ATM: variants seen among roughly 807,000 people sequenced by gnomAD.
ATM encodes the protein ATM serine/threonine kinase.
In ATM, 308 loss-of-function variants were observed where a neutral mutation model predicts 387.0. The observed-to-expected ratio is 0.80, with a 90% CI of 0.73 to 0.87. ATM has a LOEUF of 0.87. ATM is among the 40% of genes least tolerant of loss of function. The pLI, the probability that ATM is intolerant of heterozygous loss-of-function variation, is 0.00. For synonymous variants in ATM, 1,156 were observed against 1,187.3 expected, an observed-to-expected ratio of 0.97 and a Z score of 0.54; for missense variants, 3,312 against 3,560.9, an observed-to-expected ratio of 0.93 and a Z score of 1.78.
At chr11:108,300,914 G>A (rs189976820) in intron 34 of ATM, among the ~76,000 whole-genome samples, 52 of 122,858 alleles carry the variant, frequency 4.2e-4, no homozygotes, top group African/African-American at 1.4e-3. Flanking sequence ...ACAGGGTCTC[G>A]CTCTATCACC....
chr11:108,273,556 G>A (rs1190016929), intron 22 of ATM, among the ~76,000 whole-genome samples: 1 of 151,734 alleles, frequency 6.6e-6, no homozygotes, highest in African/African-American at 2.4e-5. Flanking sequence ...TGGCCAGGCT[G>A]GTCTTGAACT....
intron 53 of ATM, among the ~76,000 whole-genome samples, chr11:108,333,212 C>G (rs1001912149): frequency 6.6e-6 from 1 of 152,102 alleles, no homozygotes; most frequent in Non-Finnish European, 1.5e-5. Flanking sequence ...CTGAACATTT[C>G]TAGCCTCAAA....
At chr11:108,237,291 C>T (rs2079326346) in intron 5 of ATM, among the ~76,000 whole-genome samples, 2 of 152,150 alleles carry the variant, frequency 1.3e-5, no homozygotes, top group South Asian at 4.1e-4. Flanking sequence ...TCTAGGTTAC[C>T]TAACCAGATC....
Position 108,312,390 on chromosome 11 carries a change from A to C in ATM, c.5919-21A>C, listed in dbSNP as rs373693586. 12 of 1,510,530 alleles carry C rather than the reference A, an allele frequency of 7.9e-6. No homozygotes were observed. In the African/African-American group the frequency reaches 1.5e-4, roughly 19 times the overall value. 93.6% of individuals were successfully genotyped at this position (1,510,530 alleles called of 1,614,324 possible). ...CCAAATAGTATGTTCTCATTAAAAG[A>C]GGTGTTCTTGTGACAAACAGAAGTC... On this transcript the variant is annotated intron_variant, in intron 39 of 62. Coordinates refer to ENST00000675843, the MANE Select transcript of ATM (RefSeq NM_000051.4).
In ATM at chr11:108,250,723, A is replaced by G; in HGVS notation, c.1258A>G (p.Ile420Val). 6.2e-7 allele frequency: 1 copy of G among 1,608,192 alleles called. No homozygotes were observed. The highest frequency in any genetic ancestry group is 8.5e-7 in the Non-Finnish European group (1 of 1,179,558). The stretch of plus-strand genomic sequence containing the variant: ...TAGGCTACAGATTGCAACCCAATTA[A>G]TATCAAAGTATCCTGCAAGTTTACC... Reference protein sequence around the residue: ...VPWLQIATQLISKYPASLPNC... With the variant: ...VPWLQIATQLVSKYPASLPNC... The change falls in exon 10 of 63, where the codon ATA becomes GTA. Residue 420 changes from isoleucine (I) to valine (V), a missense_variant. Physicochemically the swap from Ile to Val is conservative, Grantham distance 29 (BLOSUM62 3). This residue lies in a region of ATM where 1,791 missense variants were observed against 1,804.5 expected (regional missense o/e 0.99). Coordinates refer to ENST00000675843, the MANE Select transcript of ATM (RefSeq NM_000051.4).
intron 59 of ATM, among the ~76,000 whole-genome samples, chr11:108,349,523 C>T (rs1048032587): frequency 6.6e-6 from 1 of 152,050 alleles, no homozygotes; most frequent in Non-Finnish European, 1.5e-5. Context: ...ATTAGCCGGG[C>T]GAGGTGGTGG....
At chr11:108,235,965 T>A in intron 5 of ATM, 131 bp downstream of exon 5, 1 of 1,011,162 alleles carries the variant, frequency 9.9e-7, no homozygotes, top group Non-Finnish European at 1.5e-6. Context: ...AGTAAAATTA[T>A]ATGGTTATCG....
intron 61 of ATM, among the ~76,000 whole-genome samples, chr11:108,357,988 A>C (rs1048922879): frequency 3.4e-5 from 5 of 148,132 alleles, no homozygotes; most frequent in African/African-American, 4.9e-5. Context: ...CAGACGATCA[A>C]ATTACTCTGA....
At chr11:108,243,834 A>T in intron 5 of ATM, 119 bp from the exon 6 acceptor site, 2 of 899,342 alleles carry the variant, frequency 2.2e-6, no homozygotes, top group Non-Finnish European at 3.3e-6. Context: ...AAAATAAATT[A>T]GTGCAGTTTT....
intron 16 of ATM, among the ~76,000 whole-genome samples, chr11:108,264,453 A>T (rs981767665): frequency 2.6e-5 from 4 of 152,228 alleles, no homozygotes; most frequent in African/African-American, 7.2e-5. Flanking sequence ...AAAAACTCTG[A>T]ATAAATTAGG....
chr11:108,249,200 T>A, intron 9 of ATM, 98 bp downstream of exon 9: 1 of 1,393,082 alleles, frequency 7.2e-7, no homozygotes, highest in Non-Finnish European at 1.0e-6. Context: ...CAACCAGAAC[T>A]AAGTCATTTG....
At chr11:108,316,459 T>C (rs572373781) in intron 42 of ATM, among the ~76,000 whole-genome samples, 2 of 152,202 alleles carry the variant, frequency 1.3e-5, no homozygotes, top group African/African-American at 4.8e-5. Flanking sequence ...AAATCTTATG[T>C]AAACTATTTC....
rs876658963 is a variant in ATM, at chr11:108,279,540, C to G, written c.3334C>G (p.Pro1112Ala). The G allele has an allele frequency of 1.9e-6, 3 of 1,613,674 alleles. No homozygotes were observed. Among genetic ancestry groups the G allele is most frequent in the Non-Finnish European group, 2.5e-6 (3 of 1,179,844 alleles). ...TTCTTCCAGGTTACTGAAAGCACTT[C>G]CTTTGAAGCTTCAGCAAACAGCTTT... Reference protein sequence around the residue: ...GDSSRLLKALPLKLQQTAFEN... With the variant: ...GDSSRLLKALALKLQQTAFEN... Residue 1112 changes from proline to alanine, a missense_variant, in exon 23 of 63, where the codon CCT becomes GCT. Around this residue, in one of 4 missense-constraint regions of ATM, gnomAD observed 1,791 missense variants for 1,804.5 expected, o/e 0.99. Transcript: ENST00000675843.
intron 7 of ATM, among the ~76,000 whole-genome samples, chr11:108,246,674 A>G (rs1253369698): frequency 1.3e-5 from 2 of 152,246 alleles, no homozygotes; most frequent in Non-Finnish European, 2.9e-5. Context: ...GAAAGAGGGA[A>G]CATATTAATT....
chr11:108,254,046 T>G lies in ATM; in HGVS notation c.2124+7T>G, dbSNP rs1402323846. The stretch of plus-strand genomic sequence containing the variant: ...GAATAATTACTCATCTGAGGTGAGA[T>G]TTTTTAAAAAAAGAACTAAGCTTAT... On this transcript the variant is annotated splice_region_variant and intron_variant, in intron 13 of 62. Coordinates refer to ENST00000675843, the MANE Select transcript of ATM (RefSeq NM_000051.4). 6.2e-7 allele frequency: 1 copy of G among 1,612,034 alleles called. No homozygotes were observed. Among genetic ancestry groups the G allele is most frequent in the Non-Finnish European group, 8.5e-7 (1 of 1,178,908 alleles).
At position 108,229,292 on chromosome 11, in the gene ATM, G is replaced by C. The variant is rs878853499; in HGVS notation, c.300G>C (p.Leu100Phe). ...AAAAGATGCAGGAAATCAGTAGTTT[G>C]GTCAAATACTTCATCAAATGTGCAA... is the stretch of plus-strand genomic sequence containing the variant. ...RQKKMQEISS[L>F]VKYFIKCANR... Residue 100 changes from leucine (L) to phenylalanine (F), a missense_variant, in exon 4 of 63, where the codon TTG becomes TTC. Leu to Phe is a conservative substitution (Grantham distance 22). This residue lies in a region of ATM where 1,791 missense variants were observed against 1,804.5 expected (regional missense o/e 0.99). Transcript: ENST00000675843. The C allele has an allele frequency of 6.2e-7, 1 of 1,613,194 alleles. No homozygotes were observed. Among genetic ancestry groups the C allele is most frequent in the South Asian group, 1.1e-5 (1 of 91,026 alleles).
At chr11:108,347,501 A>G in intron 59 of ATM, 136 bp downstream of exon 59, 1 of 720,982 alleles carries the variant, frequency 1.4e-6, no homozygotes, top group Non-Finnish European at 2.3e-6. Context: ...TTTTGTTTTC[A>G]GCATAAACAG....
At position 108,367,385 on chromosome 11, in the gene ATM, G is replaced by T. The variant is rs1318813434; in HGVS notation, c.*1877G>T. On this transcript the variant is annotated 3_prime_UTR_variant, in exon 63 of 63. Coordinates refer to ENST00000675843, the MANE Select transcript of ATM (RefSeq NM_000051.4). ...TCTACATTTTATCCAGCATTTCTCT[G>T]TGTTCTGTTGGAAGGGAAGGGCTTA... 5.2e-6 allele frequency: 1 copy of T among 194,130 alleles called. No individual in the cohort carries two copies. Among genetic ancestry groups the T allele is most frequent in the African/African-American group, 2.3e-5 (1 of 43,052 alleles). The allele number at this position is 194,130 out of a possible 1,614,324, so 12.0% of individuals were successfully genotyped here. A position where few individuals can be genotyped will look rare whatever the true frequency, so the allele number is the denominator to read the frequency against.
At chr11:108,271,626 G>A (rs1302717312) in intron 20 of ATM, among the ~76,000 whole-genome samples, 1 of 152,148 alleles carries the variant, frequency 6.6e-6, no homozygotes, top group African/African-American at 2.4e-5. Context: ...TCATTTCTCT[G>A]CAAATTTTGA....
Sources: gnomAD v4.1 joint callset for allele counts (sites outside exome capture counted in the v4.1 genomes callset) on GRCh38, gnomAD v4.1.1 for gene constraint, gnomAD v4.1.1 regional missense constraint, MANE v1.5 for transcripts, NCBI Gene and HGNC (gene_info 2026-07-23, HGNC 2026-07-21) for gene names.